KCNIP4: variants seen among roughly 807,000 people sequenced by gnomAD.
The protein encoded by KCNIP4 is Kv channel-interacting protein 4.
Under a neutral mutation model 34.0 loss-of-function variants are expected in KCNIP4, and 12 were observed. The ratio of observed to expected loss-of-function variants is 0.35; its 90% CI spans 0.23 to 0.57. KCNIP4 has a LOEUF of 0.57. Ranked by LOEUF, KCNIP4 falls within the 20% of genes least tolerant of loss-of-function variation. The pLI is 0.83. For missense variants in KCNIP4, 238 were observed against 311.7 expected, an observed-to-expected ratio of 0.76 and a Z score of 1.78; for synonymous variants, 124 against 102.2, an observed-to-expected ratio of 1.21 and a Z score of -1.29.
At chr4:21,286,744 T>C (rs1763144934) in intron 1 of KCNIP4, among the ~76,000 whole-genome samples, 1 of 152,094 alleles carries the variant, frequency 6.6e-6, no homozygotes, top group African/African-American at 2.4e-5. Context: ...ATTTTGTTGA[T>C]AAGAGAATTG....
chr4:20,783,180 T>C (rs1757013965), intron 3 of KCNIP4, among the ~76,000 whole-genome samples: 2 of 152,222 alleles, frequency 1.3e-5, no homozygotes, highest in South Asian at 4.1e-4. Context: ...GGCAAAGCCA[T>C]TCAACAAGTC....
intron 1 of KCNIP4, among the ~76,000 whole-genome samples, chr4:21,181,724 A>G (rs1270164211): frequency 6.6e-6 from 1 of 152,136 alleles, no homozygotes; most frequent in Non-Finnish European, 1.5e-5. Context: ...CTTTGACAAC[A>G]AGGCAGTTTT....
chr4:21,884,913 C>T (rs971433755), intron 1 of KCNIP4, among the ~76,000 whole-genome samples: 10 of 151,746 alleles, frequency 6.6e-5, no homozygotes, highest in African/African-American at 2.4e-4. Context: ...CTCAGGAGTC[C>T]ATCTCAGTGA....
rs1002825270 is a variant in KCNIP4, at chr4:20,745,477, C to T, written c.429+4185G>A. Among the ~76,000 whole-genome samples, 21 of 152,188 alleles carry T rather than the reference C, an allele frequency of 1.4e-4. 1 individual carries two copies. Among genetic ancestry groups the T allele is most frequent in the South Asian group, 8.3e-4 (4 of 4,820 alleles). The stretch of plus-strand genomic sequence containing the variant: ...AATGTGGCTTATAAGACTTTTGCTC[C>T]GTGCTTTTCTGAGTTGTAATTGAAG... On this transcript the variant is annotated intron_variant, in intron 5 of 8. Transcript: ENST00000382152.
chr4:21,661,234 T>A (rs981096670), intron 1 of KCNIP4, among the ~76,000 whole-genome samples: 6 of 152,144 alleles, frequency 3.9e-5, no homozygotes, highest in Admixed American at 2.0e-4. Context: ...CTTCACTCAA[T>A]AAAATCCCCA....
At chr4:21,241,827 G>A (rs1252239446) in intron 1 of KCNIP4, among the ~76,000 whole-genome samples, 1 of 151,996 alleles carries the variant, frequency 6.6e-6, no homozygotes, top group African/African-American at 2.4e-5. Flanking sequence ...ATATTTATCC[G>A]CAAAAACTGC....
intron 1 of KCNIP4, among the ~76,000 whole-genome samples, chr4:21,918,771 T>C (rs1728781734): frequency 1.3e-5 from 2 of 152,246 alleles, no homozygotes; most frequent in South Asian, 4.1e-4. Context: ...CTAACTATGG[T>C]GATCAGGGGA....
intron 1 of KCNIP4, among the ~76,000 whole-genome samples, chr4:21,783,147 T>C (rs1719679340): frequency 6.6e-6 from 1 of 150,706 alleles, no homozygotes; most frequent in Non-Finnish European, 1.5e-5. Context: ...CATACATACA[T>C]TACAGAATTT....
At chr4:20,955,075 G>T (rs139910651) in intron 1 of KCNIP4, among the ~76,000 whole-genome samples, 14 of 152,258 alleles carry the variant, frequency 9.2e-5, no homozygotes, top group African/African-American at 3.4e-4. Context: ...TTCTGTGATT[G>T]TAACTCCTGG....
At chr4:21,546,699 G>C (rs1373923894) in intron 1 of KCNIP4, among the ~76,000 whole-genome samples, 1 of 151,950 alleles carries the variant, frequency 6.6e-6, no homozygotes, top group East Asian at 1.9e-4. Context: ...TTATGTTGTG[G>C]AATGTCTGAG....
At chr4:21,445,277 A>G (rs1727877849) in intron 1 of KCNIP4, among the ~76,000 whole-genome samples, 1 of 152,202 alleles carries the variant, frequency 6.6e-6, no homozygotes, top group Non-Finnish European at 1.5e-5. Context: ...AAACTACTTT[A>G]AAGTTCATAT....
chr4:21,416,841 C>A (rs1724988402), intron 1 of KCNIP4, among the ~76,000 whole-genome samples: 1 of 152,016 alleles, frequency 6.6e-6, no homozygotes, highest in African/African-American at 2.4e-5. Flanking sequence ...GGGAAGAATT[C>A]CACTTGTTCA....
At chr4:21,669,932 A>G (rs1749344132) in intron 1 of KCNIP4, among the ~76,000 whole-genome samples, 1 of 152,194 alleles carries the variant, frequency 6.6e-6, no homozygotes, top group Admixed American at 6.5e-5. Flanking sequence ...AACTGTTAGC[A>G]ATGATAAAAA....
In KCNIP4 at chr4:21,234,070, A is replaced by ATATAAC. The variant is rs1163875941; in HGVS notation, c.62-351362_62-351361insGTTATA. On this transcript the variant is annotated intron_variant, in intron 1 of 8. Coordinates refer to ENST00000382152, the MANE Select transcript of KCNIP4 (RefSeq NM_025221.6). The stretch of plus-strand genomic sequence containing the variant: ...ATATAACACATAACATATATAACAT[A>ATATAAC]ACATAACATATAACGTATATTATAT... Among the ~76,000 whole-genome samples the ATATAAC allele has an allele frequency of 1.9e-5, 2 of 105,400 alleles. 1 individual carries two copies. Among genetic ancestry groups the ATATAAC allele is most frequent in the African/African-American group, 1.2e-4 (2 of 16,338 alleles). 69.1% of individuals were successfully genotyped at this position (105,400 alleles called of 152,430 possible).
At chr4:21,790,514 C>T (rs1403667984) in intron 1 of KCNIP4, among the ~76,000 whole-genome samples, 1 of 152,044 alleles carries the variant, frequency 6.6e-6, no homozygotes, top group Non-Finnish European at 1.5e-5. Context: ...TTATGTTCCA[C>T]TTCTCAACTT....
chr4:21,243,922 A>C (rs1206655552), intron 1 of KCNIP4, among the ~76,000 whole-genome samples: 1 of 152,138 alleles, frequency 6.6e-6, no homozygotes, highest in African/African-American at 2.4e-5. Flanking sequence ...ACAGGTGAGG[A>C]GTATAGACTT....
At chr4:21,844,323 A>G (rs1282511206) in intron 1 of KCNIP4, 1 of 152,136 alleles carries the variant, frequency 6.6e-6, no homozygotes, top group Admixed American at 6.6e-5. Flanking sequence ...CATTTTGTAT[A>G]CGTTATATGC....
At chr4:20,761,243 T>A (rs1474879366) in intron 3 of KCNIP4, among the ~76,000 whole-genome samples, 1 of 152,178 alleles carries the variant, frequency 6.6e-6, no homozygotes, top group Non-Finnish European at 1.5e-5. Context: ...TCATTAGATA[T>A]CAAGCTGGCC....
intron 2 of KCNIP4, among the ~76,000 whole-genome samples, chr4:20,876,465 C>T (rs1724043160): frequency 6.6e-6 from 1 of 152,150 alleles, no homozygotes; most frequent in Non-Finnish European, 1.5e-5. Flanking sequence ...ATTAAGTCAT[C>T]CATAAAGTAG....
Sources: gnomAD v4.1 joint callset for allele counts (sites outside exome capture counted in the v4.1 genomes callset) on GRCh38, gnomAD v4.1.1 for gene constraint, MANE v1.5 for transcripts, NCBI Gene and HGNC (gene_info 2026-07-23, HGNC 2026-07-21) for gene names.